The following PIP5K1C variants were observed in gnomAD, a reference collection of about 807,000 sequenced individuals.
PIP5K1C encodes phosphatidylinositol 4-phosphate 5-kinase type-1 gamma.
In PIP5K1C, 45 loss-of-function variants were observed where a neutral mutation model predicts 80.1. The ratio of observed to expected loss-of-function variants is 0.56; its 90% CI spans 0.44 to 0.72. The LOEUF (loss-of-function observed/expected upper bound fraction) is 0.72, where lower values mean the gene tolerates loss of function less well. PIP5K1C is among the 30% of genes least tolerant of loss of function. The pLI is 0.00. For synonymous variants in PIP5K1C, 498 were observed against 420.1 expected (o/e 1.19, Z -2.27); for missense variants, 753 against 954.6 (o/e 0.79, Z 2.78).
intron 6 of PIP5K1C, 103 bp downstream of exon 6, chr19:3,656,302 C>T: frequency 7.3e-7 from 1 of 1,364,080 alleles, no homozygotes; most frequent in Non-Finnish European, 1.0e-6. Flanking sequence ...TCACCACGCC[C>T]CAAGGATGCC....
intron 3 of PIP5K1C, among the ~76,000 whole-genome samples, chr19:3,662,331 G>A (rs1413994987): frequency 6.6e-6 from 1 of 152,210 alleles, no homozygotes; most frequent in Admixed American, 6.5e-5. Context: ...CTTAGCAAAA[G>A]GGTCGATTCA....
intron 10 of PIP5K1C, 56 bp from the exon 11 acceptor site, chr19:3,646,114 G>A: frequency 9.2e-7 from 1 of 1,089,704 alleles, no homozygotes; most frequent in Non-Finnish European, 1.4e-6. Context: ...ATCAACAGCT[G>A]GGGACAGCCC....
chr19:3,698,783 GCTAACAT>G (rs2036202925), intron 1 of PIP5K1C, among the ~76,000 whole-genome samples: 1 of 152,144 alleles, frequency 6.6e-6, no homozygotes, highest in Non-Finnish European at 1.5e-5. Context: ...ACTCACCAGC[GCTAACAT>G]CAGGAGGGAT....
chr19:3,642,471 C>T (rs1299713972), intron 14 of PIP5K1C, among the ~76,000 whole-genome samples: 3 of 152,150 alleles, frequency 2.0e-5, no homozygotes, highest in South Asian at 2.1e-4. Flanking sequence ...GGGCGGCGTG[C>T]ACGGGTGTGC....
At position 3,653,548 on chromosome 19, in the gene PIP5K1C, A is replaced by G. The variant is rs199907726; in HGVS notation, c.663T>C (p.Tyr221=). The G allele has an allele frequency of 1.4e-5, 22 of 1,612,142 alleles. No individual in the cohort carries two copies. The highest frequency in any genetic ancestry group is 3.3e-4 in the Middle Eastern group (2 of 6,052). Residue 221 remains tyrosine, a synonymous_variant, in exon 7 of 18, where the codon TAT becomes TAC. Transcript: ENST00000335312. ...CCCCCGACTGCACGCAGTACAGCCC[A>G]TAGAACTTGGGCAGCAGCGTCCGCG... is the stretch of plus-strand genomic sequence containing the variant. The part of the protein sequence containing the change: ...QNPRTLLPKF[Y]GLYCVQSGGK...
intron 1 of PIP5K1C, 149 bp downstream of exon 1, chr19:3,700,148 G>A (rs1271689713): frequency 6.7e-6 from 2 of 297,862 alleles, no homozygotes; most frequent in East Asian, 2.2e-4. Context: ...TCCTCCCCGC[G>A]GCTCCAGGGG....
intron 16 of PIP5K1C, among the ~76,000 whole-genome samples, chr19:3,635,958 C>T (rs1568306528): frequency 6.6e-6 from 1 of 151,942 alleles, no homozygotes. Flanking sequence ...CCAGCCTGGG[C>T]GACAGAACGA....
chr19:3,672,388 G>T (rs913738652), intron 1 of PIP5K1C, among the ~76,000 whole-genome samples: 2 of 152,244 alleles, frequency 1.3e-5, no homozygotes, highest in East Asian at 3.9e-4. Flanking sequence ...GGTCCCTCCT[G>T]CTGAGCCTGG....
chr19:3,695,008 G>C (rs145355453), intron 1 of PIP5K1C, among the ~76,000 whole-genome samples: 12 of 152,260 alleles, frequency 7.9e-5, no homozygotes, highest in Admixed American at 2.0e-4. Context: ...CACCAAGGCC[G>C]GCAACGGAAC....
intron 14 of PIP5K1C, among the ~76,000 whole-genome samples, chr19:3,642,650 T>C (rs1465409124): frequency 6.6e-6 from 1 of 152,010 alleles, no homozygotes; most frequent in Non-Finnish European, 1.5e-5. Context: ...TTGTATCTTG[T>C]TTTAAGTTAA....
chr19:3,641,169 TGAGCC>T (rs2033945075), intron 15 of PIP5K1C, among the ~76,000 whole-genome samples: 1 of 152,042 alleles, frequency 6.6e-6, no homozygotes, highest in Non-Finnish European at 1.5e-5. Flanking sequence ...GAGCCAAGAT[TGAGCC>T]ACTGCTCTCC....
chr19:3,700,451 C>G lies in PIP5K1C; in HGVS notation c.-61G>C, dbSNP rs938545610. ...GGACCCGAGCTGCGACCGCCGCCGC[C>G]GAACAACAAGCGCCGCCGGCCAAGG... is the stretch of plus-strand genomic sequence containing the variant. On this transcript the variant is annotated 5_prime_UTR_variant, in exon 1 of 18. Coordinates refer to ENST00000335312, the MANE Select transcript of PIP5K1C (RefSeq NM_012398.3). 443 of 934,272 alleles carry G rather than the reference C, an allele frequency of 4.7e-4. No individual in the cohort carries two copies. The highest frequency in any genetic ancestry group is 5.5e-4 in the Non-Finnish European group (426 of 775,356). The allele number at this position is 934,272 out of a possible 1,614,324, so 57.9% of individuals were successfully genotyped here.
At chr19:3,667,199 G>T in intron 2 of PIP5K1C, 123 bp downstream of exon 2, 1 of 805,422 alleles carries the variant, frequency 1.2e-6, no homozygotes, top group Non-Finnish European at 2.1e-6. Flanking sequence ...TGTGGACACT[G>T]GACGGCATTT....
intron 3 of PIP5K1C, 136 bp from the exon 4 acceptor site, chr19:3,662,137 C>A (rs2034854639): frequency 1.5e-5 from 16 of 1,073,212 alleles, no homozygotes; most frequent in Non-Finnish European, 2.1e-5. Flanking sequence ...CCTGGTGGTC[C>A]CCGGGGCTGC....
chr19:3,691,472 C>G (rs1381552601), intron 1 of PIP5K1C, among the ~76,000 whole-genome samples: 1 of 152,162 alleles, frequency 6.6e-6, no homozygotes, highest in African/African-American at 2.4e-5. Flanking sequence ...ACGCGCCACG[C>G]CCAGGTTCCC....
intron 1 of PIP5K1C, among the ~76,000 whole-genome samples, chr19:3,674,855 T>C (rs1381032125): frequency 6.6e-6 from 1 of 152,214 alleles, no homozygotes; most frequent in Non-Finnish European, 1.5e-5. Context: ...TCCTTTGTCT[T>C]ACTTGGACTT....
At chr19:3,663,227 A>G (rs1360313798) in intron 3 of PIP5K1C, among the ~76,000 whole-genome samples, 1 of 152,086 alleles carries the variant, frequency 6.6e-6, no homozygotes, top group Non-Finnish European at 1.5e-5. Context: ...CTCTCGCGCC[A>G]TGTTCACTTT....
intron 1 of PIP5K1C, among the ~76,000 whole-genome samples, chr19:3,697,503 A>AGGACCGAGCTGGACCC (rs1568367104): frequency 6.8e-6 from 1 of 146,366 alleles, no homozygotes; most frequent in African/African-American, 2.6e-5. Flanking sequence ...GAGCTGGACC[A>AGGACCGAGCTGGACCC]GGGAGGACCA....
chr19:3,653,149 C>T lies in PIP5K1C; in HGVS notation c.921+141G>A. 3 of 712,424 alleles carry T rather than the reference C, an allele frequency of 4.2e-6. No homozygotes were observed. The East Asian group carries it at 8.1e-5, about 19-fold the overall frequency. 44.1% of individuals were successfully genotyped at this position (712,424 alleles called of 1,614,324 possible). ...AAAGCTTGAGCGCTTCTGGATCCCA[C>T]ACTGGGGTGGGGCCTGCTGTAGGCT... On this transcript the variant is annotated intron_variant, in intron 7 of 17. Transcript: ENST00000335312.
Sources: allele counts gnomAD v4.1 joint callset (sites outside exome capture counted in the v4.1 genomes callset), GRCh38; gene constraint gnomAD v4.1.1; transcripts MANE v1.5; gene names NCBI Gene and HGNC (gene_info 2026-07-23, HGNC 2026-07-21).